The following TRAF3IP1 variants were observed in gnomAD, a reference collection of about 807,000 sequenced individuals.
TRAF3IP1 encodes intraflagellar transport 54, also known as TRAF3-interacting protein 1.
Under a neutral mutation model 89.9 loss-of-function variants are expected in TRAF3IP1, and 53 were observed. That is an observed-to-expected ratio of 0.59 (90% CI 0.47 to 0.74). The LOEUF is 0.74. Among genes scored for constraint, TRAF3IP1 ranks in the 30% least tolerant of loss-of-function variants. The pLI is 0.00. For synonymous variants in TRAF3IP1, 311 were observed against 322.1 expected (o/e 0.97, Z 0.37); for missense variants, 806 against 866.1 (o/e 0.93, Z 0.87).
intron 7 of TRAF3IP1, among the ~76,000 whole-genome samples, chr2:238,337,855 C>G (rs906670493): frequency 1.3e-5 from 2 of 152,044 alleles, no homozygotes; most frequent in African/African-American, 4.8e-5. Context: ...TATGGACCAA[C>G]CAAGTAGAAA....
At position 238,379,620 on chromosome 2, in the gene TRAF3IP1, A is replaced by G. The variant is rs2340884; in HGVS notation, c.1690-17839A>G. Among the ~76,000 whole-genome samples, 75,187 of 152,056 alleles carry G rather than the reference A, an allele frequency of 0.49. 19,791 individuals carry two copies. The highest frequency in any genetic ancestry group is 0.68 in the African/African-American group (28,275 of 41,482). On this transcript the variant is annotated intron_variant, in intron 15 of 16. Transcript: ENST00000373327. The surrounding 1 kb of genome is among the most constrained non-coding windows in gnomAD (Gnocchi z 4.0). Reference sequence around the variant, plus strand: ...TTTTCTGCCGAGGACCTCTGACCTCATGGCCACTTCCTGCTGCAGGTTTAG... The same window carrying G: ...TTTTCTGCCGAGGACCTCTGACCTCGTGGCCACTTCCTGCTGCAGGTTTAG...
intron 15 of TRAF3IP1, among the ~76,000 whole-genome samples, chr2:238,394,582 T>C (rs568559303): frequency 2.0e-5 from 3 of 152,380 alleles, no homozygotes; most frequent in African/African-American, 7.2e-5. Context: ...GCAGTGTCCA[T>C]GTTTTCATTG....
chr2:238,334,091 T>TTTGTC, intron 7 of TRAF3IP1, 56 bp downstream of exon 7: 3 of 1,413,864 alleles, frequency 2.1e-6, no homozygotes, highest in Non-Finnish European at 2.9e-6. Flanking sequence ...TTTTTTTTTT[T>TTTGTC]TGTCTTAATC....
At chr2:238,381,923 C>G (rs1041815203) in intron 15 of TRAF3IP1, among the ~76,000 whole-genome samples, 1 of 152,042 alleles carries the variant, frequency 6.6e-6, no homozygotes, top group Non-Finnish European at 1.5e-5. Flanking sequence ...GGGTAGGAAG[C>G]CACAGATGGG....
chr2:238,334,122 ACTC>A (rs1354643017), intron 7 of TRAF3IP1, 87 bp downstream of exon 7: 19 of 1,004,880 alleles, frequency 1.9e-5, no homozygotes, highest in Non-Finnish European at 2.5e-5. Context: ...GTAGGAAAGA[ACTC>A]CTATGGCTGG....
chr2:238,367,647 C>T (rs528955823), intron 15 of TRAF3IP1, among the ~76,000 whole-genome samples: 7 of 152,154 alleles, frequency 4.6e-5, no homozygotes, highest in African/African-American at 1.4e-4. Flanking sequence ...CGAGAGCCTG[C>T]GCCACCGAGC....
intron 7 of TRAF3IP1, among the ~76,000 whole-genome samples, chr2:238,336,413 G>C (rs1162125309): frequency 1.3e-5 from 2 of 152,194 alleles, no homozygotes; most frequent in Non-Finnish European, 2.9e-5. Context: ...CCTCGCTTAA[G>C]TAGGTTCTCA....
Position 238,348,868 on chromosome 2 carries a change from C to G in TRAF3IP1, c.1367+20C>G, listed in dbSNP as rs544676371. ...CATCAGGTCTGTGTGCTTTGAATCC[C>G]TTTCCCTCAGCAGAGTGATCACACC... is the stretch of plus-strand genomic sequence containing the variant. On this transcript the variant is annotated intron_variant, in intron 11 of 16. Transcript: ENST00000373327. The G allele has an allele frequency of 6.2e-6, 10 of 1,609,030 alleles. No individual in the cohort carries two copies. The highest frequency in any genetic ancestry group is 4.0e-5 in the African/African-American group (3 of 74,906).
intron 15 of TRAF3IP1, among the ~76,000 whole-genome samples, chr2:238,372,592 A>C (rs1014414005): frequency 3.8e-4 from 58 of 152,184 alleles, no homozygotes; most frequent in African/African-American, 1.3e-3. Context: ...TAATAAACGT[A>C]CATGTCCATG....
chr2:238,353,331 C>G (rs1231696695), intron 14 of TRAF3IP1, 122 bp downstream of exon 14: 3 of 1,065,026 alleles, frequency 2.8e-6, no homozygotes, highest in East Asian at 5.0e-5. Flanking sequence ...GTCTGGGTCA[C>G]ACTGGCGGGA....
intron 15 of TRAF3IP1, 136 bp downstream of exon 15, chr2:238,356,216 GC>G: frequency 1.3e-6 from 1 of 793,622 alleles, no homozygotes; most frequent in Non-Finnish European, 2.1e-6. Flanking sequence ...GCCATTCCTG[GC>G]CAGGCATGGT....
chr2:238,342,024 C>G (rs981719187), intron 8 of TRAF3IP1, among the ~76,000 whole-genome samples: 1 of 151,942 alleles, frequency 6.6e-6, no homozygotes, highest in African/African-American at 2.4e-5. Context: ...GAGTCTCACT[C>G]TATTGCCAGG....
intron 15 of TRAF3IP1, among the ~76,000 whole-genome samples, chr2:238,367,098 A>T (rs1699909264): frequency 7.6e-6 from 1 of 131,390 alleles, no homozygotes; most frequent in Admixed American, 9.2e-5. Context: ...TGGGAGGCAG[A>T]AGTTGCAGTG....
chr2:238,366,740 G>T (rs1168624924), intron 15 of TRAF3IP1, among the ~76,000 whole-genome samples: 2 of 151,904 alleles, frequency 1.3e-5, no homozygotes, highest in African/African-American at 2.4e-5. Context: ...CTTTATTTTT[G>T]ATTGGTTTTG....
intron 15 of TRAF3IP1, among the ~76,000 whole-genome samples, chr2:238,382,852 C>T (rs762969355): frequency 2.0e-5 from 3 of 151,932 alleles, no homozygotes; most frequent in Non-Finnish European, 2.9e-5. Flanking sequence ...GTTCCCTGGA[C>T]GGTTGGTCAC....
At chr2:238,388,374 C>CAAAAA in intron 15 of TRAF3IP1, among the ~76,000 whole-genome samples, 1 of 101,636 alleles carries the variant, frequency 9.8e-6, no homozygotes, top group South Asian at 3.6e-4. Context: ...GACCCTGTCT[C>CAAAAA]AAAAAAAAAA....
At chr2:238,391,133 T>G (rs1334896777) in intron 15 of TRAF3IP1, among the ~76,000 whole-genome samples, 1 of 152,144 alleles carries the variant, frequency 6.6e-6, no homozygotes, top group Non-Finnish European at 1.5e-5. Flanking sequence ...TTTTGTATTT[T>G]TTTTGTAGAG....
At chr2:238,366,393 T>C (rs1699876180) in intron 15 of TRAF3IP1, among the ~76,000 whole-genome samples, 1 of 152,168 alleles carries the variant, frequency 6.6e-6, no homozygotes, top group African/African-American at 2.4e-5. Flanking sequence ...GCCTTTTCTC[T>C]ATAGACAAAT....
At chr2:238,380,300 C>T (rs144763719) in intron 15 of TRAF3IP1, among the ~76,000 whole-genome samples, 94 of 152,238 alleles carry the variant, frequency 6.2e-4, no homozygotes, top group Middle Eastern at 3.4e-3. Flanking sequence ...GCAGGAGCCA[C>T]GTGGAGAAGC....
Sources: gnomAD v4.1 joint callset for allele counts (sites outside exome capture counted in the v4.1 genomes callset) on GRCh38, gnomAD v4.1.1 for gene constraint, Gnocchi (gnomAD v3.1) non-coding constraint, MANE v1.5 for transcripts, NCBI Gene and HGNC (gene_info 2026-07-23, HGNC 2026-07-21) for gene names.